EIF4E: variants seen among roughly 807,000 people sequenced by gnomAD.
EIF4E encodes eIF-4F 25 kDa subunit.
For missense variants in EIF4E, 113 were observed against 265.6 expected (o/e 0.43, Z 3.99); for synonymous variants, 71 against 88.5 (o/e 0.80, Z 1.11).
At position 98,887,946 on chromosome 4, in the gene EIF4E, G is replaced by A. The variant is rs200247817; in HGVS notation, c.228C>T (p.Tyr76=). ...AATTACTAGACAACTGGATATGGTT[G>A]TACAGACTAGGTAAAAGAAAATAAC... ...FDTVEDFWAL[Y]NHIQLSSNLM... Residue 76 remains tyrosine, a synonymous_variant, in exon 4 of 7, where the codon TAC becomes TAT. Coordinates refer to ENST00000450253, the MANE Select transcript of EIF4E (RefSeq NM_001968.5). The surrounding 1 kb of genome is among the most constrained non-coding windows in gnomAD (Gnocchi z 4.0). The A allele has an allele frequency of 8.7e-6, 14 of 1,611,856 alleles. No homozygotes were observed. The highest frequency in any genetic ancestry group is 1.2e-5 in the Non-Finnish European group (14 of 1,178,950).
intron 5 of EIF4E, 113 bp from the exon 6 acceptor site, chr4:98,885,174 A>G (rs1723861218): frequency 1.6e-6 from 2 of 1,257,640 alleles, no homozygotes; most frequent in Non-Finnish European, 1.1e-6. Flanking sequence ...ATCAAGAGTT[A>G]ATTTTTTAAA....
chr4:98,904,351 T>C (rs1256148818), intron 1 of EIF4E, among the ~76,000 whole-genome samples: 2 of 152,182 alleles, frequency 1.3e-5, no homozygotes, highest in Admixed American at 6.5e-5. Flanking sequence ...TCTTTGGACA[T>C]ACAGGAATTA....
At chr4:98,884,472 G>A (rs1318660555) in intron 6 of EIF4E, among the ~76,000 whole-genome samples, 1 of 152,166 alleles carries the variant, frequency 6.6e-6, no homozygotes, top group Non-Finnish European at 1.5e-5. Context: ...GGAGGCTGAG[G>A]TGGACGGATC....
intron 2 of EIF4E, among the ~76,000 whole-genome samples, chr4:98,892,105 G>C (rs1219358859): frequency 6.6e-6 from 1 of 152,090 alleles, no homozygotes; most frequent in Non-Finnish European, 1.5e-5. Flanking sequence ...CCAGCACTCT[G>C]GGAGGCTGAG....
chr4:98,889,189 G>A (rs1385175178), intron 3 of EIF4E, among the ~76,000 whole-genome samples: 2 of 151,662 alleles, frequency 1.3e-5, no homozygotes, highest in Non-Finnish European at 2.9e-5. Context: ...GAAAGAAGTT[G>A]GCATCTTTAA....
At chr4:98,881,716 TAAACACTTCGAGGGAGTGAATG>T (rs1252248889) in intron 6 of EIF4E, among the ~76,000 whole-genome samples, 1 of 152,176 alleles carries the variant, frequency 6.6e-6, no homozygotes, top group Admixed American at 6.5e-5. Context: ...TGAGGGAGAT[TAAACACTTCGAGGGAGTGAATG>T]AAACACTTCG....
chr4:98,890,272 T>C (rs1048205327), intron 3 of EIF4E, among the ~76,000 whole-genome samples: 10 of 152,154 alleles, frequency 6.6e-5, no homozygotes, highest in African/African-American at 2.4e-4. Context: ...CATTAAAACA[T>C]AAGAGTAGCA....
chr4:98,910,308 A>G (rs1725064957), intron 1 of EIF4E, among the ~76,000 whole-genome samples: 3 of 152,196 alleles, frequency 2.0e-5, no homozygotes, highest in African/African-American at 7.2e-5. Context: ...CACTGCTCAC[A>G]TGGAAAAAAT....
At chr4:98,891,541 A>G in intron 2 of EIF4E, 1 of 580,288 alleles carries the variant, frequency 1.7e-6, no homozygotes. Context: ...TAAGGACATT[A>G]AGTGAATAAG....
chr4:98,921,205 T>C lies in EIF4E; in HGVS notation c.18+7890A>G, dbSNP rs116719698. The stretch of plus-strand genomic sequence containing the variant: ...CATTTATTCATCAGAAAAAGAACTA[T>C]AAGAAAAAATATACATTTCACATAT... On this transcript the variant is annotated intron_variant, in intron 1 of 6. Transcript: ENST00000450253. Among the ~76,000 whole-genome samples, 624 of 152,262 alleles carry C rather than the reference T, an allele frequency of 4.1e-3. 4 individuals are homozygous for C. Among genetic ancestry groups the C allele is most frequent in the African/African-American group, 0.014 (594 of 41,560 alleles).
chr4:98,896,178 G>A (rs572326143), intron 2 of EIF4E, among the ~76,000 whole-genome samples: 1 of 137,076 alleles, frequency 7.3e-6, no homozygotes, highest in African/African-American at 3.6e-5. Flanking sequence ...CCTGGTGACA[G>A]AGCGAGGCTC....
At chr4:98,907,335 G>A (rs1211083717) in intron 1 of EIF4E, among the ~76,000 whole-genome samples, 2 of 152,012 alleles carry the variant, frequency 1.3e-5, no homozygotes, top group African/African-American at 4.8e-5. Flanking sequence ...TGTACTGAAG[G>A]CATCATATCT....
chr4:98,889,020 G>A (rs568705685), intron 3 of EIF4E, among the ~76,000 whole-genome samples: 5 of 152,056 alleles, frequency 3.3e-5, no homozygotes, highest in East Asian at 1.9e-4. Flanking sequence ...TTAGCCGGGC[G>A]TGGTGGCATG....
At chr4:98,883,789 C>G (rs1342629004) in intron 6 of EIF4E, among the ~76,000 whole-genome samples, 1 of 152,030 alleles carries the variant, frequency 6.6e-6, no homozygotes, top group Non-Finnish European at 1.5e-5. Flanking sequence ...CGCCTGTAAT[C>G]TCAGCACTTT....
rs750285112 is a variant in EIF4E, at chr4:98,929,127, A to C, written c.-15T>G. 36 of 1,566,672 alleles carry C rather than the reference A, an allele frequency of 2.3e-5. No individual in the cohort carries two copies. Among genetic ancestry groups the C allele is most frequent in the Middle Eastern group, 1.7e-4 (1 of 6,006 alleles). ...ACAGTCGCCATCTTAGATCGATCTG[A>C]TCGCACAACCGCTCCAGAAGGGGGG... On this transcript the variant is annotated 5_prime_UTR_variant, in exon 1 of 7. Coordinates refer to ENST00000450253, the MANE Select transcript of EIF4E (RefSeq NM_001968.5).
intron 2 of EIF4E, among the ~76,000 whole-genome samples, chr4:98,900,948 C>A (rs1039698351): frequency 6.6e-6 from 1 of 152,220 alleles, no homozygotes; most frequent in East Asian, 1.9e-4. Flanking sequence ...GTCACCTGTT[C>A]TTACTCTATA....
chr4:98,897,142 C>T (rs1186812742), intron 2 of EIF4E, among the ~76,000 whole-genome samples: 6 of 152,234 alleles, frequency 3.9e-5, no homozygotes, highest in South Asian at 2.1e-4. Flanking sequence ...TTTGCACTAA[C>T]GGTGCAAAAG....
At chr4:98,924,875 G>A (rs1411631444) in intron 1 of EIF4E, among the ~76,000 whole-genome samples, 5 of 152,154 alleles carry the variant, frequency 3.3e-5, no homozygotes, top group East Asian at 3.9e-4. Flanking sequence ...GATTACAGGC[G>A]TGAGCCACCG....
In EIF4E at chr4:98,896,362, A is replaced by G. The variant is rs184377944; in HGVS notation, c.126-5030T>C. ...ACGCCAACGTGAGTGATAGAGCAAG[A>G]CCCTGTCAAGGAATGGGACAGGGAT... On this transcript the variant is annotated intron_variant, in intron 2 of 6. Transcript: ENST00000450253. 2.2e-3 allele frequency among the ~76,000 whole-genome samples: 335 copies of G among 151,492 alleles called. 3 individuals carry two copies. Among genetic ancestry groups the G allele is most frequent in the African/African-American group, 7.7e-3 (315 of 41,170 alleles).
Sources: allele counts gnomAD v4.1 joint callset (sites outside exome capture counted in the v4.1 genomes callset), GRCh38; gene constraint gnomAD v4.1.1; non-coding constraint Gnocchi (gnomAD v3.1); transcripts MANE v1.5; gene names NCBI Gene and HGNC (gene_info 2026-07-23, HGNC 2026-07-21).